Variants in SS18 observed in about 807,000 individuals in gnomAD.
SS18 encodes the protein SS18 subunit of BAF chromatin remodeling complex.
In SS18, 28 loss-of-function variants were observed where a neutral mutation model predicts 72.5. That is an observed-to-expected ratio of 0.39 (90% CI 0.29 to 0.53). The LOEUF (loss-of-function observed/expected upper bound fraction) is 0.53. Among genes scored for constraint, SS18 ranks in the 20% least tolerant of loss-of-function variants. SS18 has a pLI of 0.76. For missense variants in SS18, 518 were observed against 535.3 expected, an observed-to-expected ratio of 0.97 and a Z score of 0.32; for synonymous variants, 172 against 164.2, an observed-to-expected ratio of 1.05 and a Z score of -0.37.
chr18:26,031,519 A>C (rs2053542089), intron 10 of SS18, among the ~76,000 whole-genome samples: 1 of 152,258 alleles, frequency 6.6e-6, no homozygotes, highest in Non-Finnish European at 1.5e-5. Context: ...AAAAGTGCAG[A>C]CAAACCTGAA....
chr18:26,039,307 A>T lies in SS18; in HGVS notation c.757T>A (p.Tyr253Asn). Residue 253 changes from tyrosine (Y) to asparagine (N), a missense_variant, in exon 6 of 11, where the codon TAT becomes AAT. Transcript: ENST00000415083. The part of the protein sequence containing the change: ...HMMGQRQIPP[Y>N]RPPQQGPPQQ... The stretch of plus-strand genomic sequence containing the variant: ...ATCTTACCCTGTTGAGGAGGTCTAT[A>T]GGGAGGAATCTGTCTCTGACCCATC... 1 of 1,612,960 alleles carries T rather than the reference A, an allele frequency of 6.2e-7. No individual in the cohort carries two copies.
intron 2 of SS18, chr18:26,082,449 T>C: frequency 3.1e-6 from 3 of 981,528 alleles, no homozygotes; most frequent in Non-Finnish European, 3.6e-6. Context: ...AAACAACTCT[T>C]TTAAATTACG....
chr18:26,038,643 G>A lies in SS18; in HGVS notation c.792C>T (p.Tyr264=), dbSNP rs2053667171. Residue 264 remains tyrosine, a synonymous_variant, in exon 7 of 11, where the codon TAC becomes TAT. Coordinates refer to ENST00000415083, the MANE Select transcript of SS18 (RefSeq NM_001007559.3). ...CCCCGTAATAGTCTTCCTGGCCTGA[G>A]TACTGCTGTGGTGGGCCTGAAAAAC... The part of the protein sequence containing the change: ...RPPQQGPPQQ[Y]SGQEDYYGDQ... The A allele has an allele frequency of 1.2e-6, 2 of 1,613,206 alleles. No homozygotes were observed. Among genetic ancestry groups the A allele is most frequent in the African/African-American group, 1.3e-5 (1 of 74,874 alleles).
intron 9 of SS18, among the ~76,000 whole-genome samples, chr18:26,034,792 T>C (rs1468271570): frequency 6.6e-6 from 1 of 152,178 alleles, no homozygotes; most frequent in Non-Finnish European, 1.5e-5. Context: ...TTACCTTTGG[T>C]CATGAACCAT....
At chr18:26,087,740 C>A (rs2054641759) in intron 1 of SS18, among the ~76,000 whole-genome samples, 163 bp from the exon 2 acceptor site, 1 of 152,264 alleles carries the variant, frequency 6.6e-6, no homozygotes, top group South Asian at 2.1e-4. Context: ...TCATTACTAT[C>A]ATAAATCATT....
At chr18:26,033,879 G>C (rs2053585538) in intron 9 of SS18, among the ~76,000 whole-genome samples, 1 of 151,966 alleles carries the variant, frequency 6.6e-6, no homozygotes, top group Non-Finnish European at 1.5e-5. Flanking sequence ...GAATTTACCT[G>C]ATTTAGCTGC....
intron 4 of SS18, among the ~76,000 whole-genome samples, chr18:26,054,051 A>G (rs2053968987): frequency 6.6e-6 from 1 of 152,234 alleles, no homozygotes; most frequent in Non-Finnish European, 1.5e-5. Context: ...CAGTATTTCC[A>G]CATAACCTAT....
At chr18:26,023,700 CTGA>C (rs2053393667) in intron 10 of SS18, 1 of 517,756 alleles carries the variant, frequency 1.9e-6, no homozygotes, top group Non-Finnish European at 3.7e-6. Flanking sequence ...CATACAAAAG[CTGA>C]TTATTACCAG....
intron 10 of SS18, 136 bp downstream of exon 10, chr18:26,032,263 T>C (rs1221429413): frequency 1.0e-6 from 1 of 1,003,346 alleles, no homozygotes. Flanking sequence ...ATACACTTTT[T>C]GTTAACAAAT....
At position 26,039,293 on chromosome 18, in the gene SS18, T is replaced by C. The variant is rs372542992; in HGVS notation, c.771A>G (p.Gln257=). ...QRQIPPYRPP[Q]QGPPQQYSGQ... ...ATTTTCCAAATGGAATCTTACCCTG[T>C]TGAGGAGGTCTATAGGGAGGAATCT... The change falls in exon 6 of 11, where the codon CAA becomes CAG. Residue 257 remains glutamine, a synonymous_variant. Coordinates refer to ENST00000415083, the MANE Select transcript of SS18 (RefSeq NM_001007559.3). 3.7e-6 allele frequency: 6 copies of C among 1,606,946 alleles called. No individual in the cohort carries two copies. The highest frequency in any genetic ancestry group is 5.1e-6 in the Non-Finnish European group (6 of 1,175,478).
At chr18:26,045,207 T>G (rs777419331) in intron 5 of SS18, among the ~76,000 whole-genome samples, 7 of 152,234 alleles carry the variant, frequency 4.6e-5, no homozygotes, top group Non-Finnish European at 8.8e-5. Flanking sequence ...AGGCATTTTT[T>G]GAAAACCATA....
intron 3 of SS18, 118 bp downstream of exon 3, chr18:26,077,958 T>C: frequency 1.6e-6 from 1 of 614,778 alleles, no homozygotes; most frequent in Non-Finnish European, 2.7e-6. Flanking sequence ...AATACTTTCA[T>C]GTTCTCAGAG....
At chr18:26,039,569 G>T in intron 5 of SS18, 113 bp from the exon 6 acceptor site, 1 of 906,862 alleles carries the variant, frequency 1.1e-6, no homozygotes, top group Non-Finnish European at 1.5e-6. Flanking sequence ...ATTAAATGCA[G>T]TAAAAACTGA....
intron 3 of SS18, among the ~76,000 whole-genome samples, chr18:26,070,804 G>A (rs917463740): frequency 6.6e-6 from 1 of 152,112 alleles, no homozygotes; most frequent in Non-Finnish European, 1.5e-5. Flanking sequence ...GAAATGAAGT[G>A]AAAAACCCCA....
intron 2 of SS18, among the ~76,000 whole-genome samples, chr18:26,080,894 C>T (rs2054506009): frequency 6.6e-6 from 1 of 151,868 alleles, no homozygotes; most frequent in Non-Finnish European, 1.5e-5. Flanking sequence ...CAAGGCTATT[C>T]CCTCATATAA....
intron 3 of SS18, among the ~76,000 whole-genome samples, chr18:26,066,547 T>C (rs981204465): frequency 9.2e-5 from 14 of 151,938 alleles, no homozygotes; most frequent in African/African-American, 2.4e-4. Context: ...TTCAGTTCCC[T>C]AGCATTTTTG....
At chr18:26,043,212 A>C (rs2053760277) in intron 5 of SS18, among the ~76,000 whole-genome samples, 1 of 152,178 alleles carries the variant, frequency 6.6e-6, no homozygotes, top group African/African-American at 2.4e-5. Context: ...CATAGCTACT[A>C]AATGGTCCAA....
intron 9 of SS18, among the ~76,000 whole-genome samples, chr18:26,033,018 T>A (rs893978300): frequency 6.6e-6 from 1 of 152,230 alleles, no homozygotes; most frequent in Non-Finnish European, 1.5e-5. Flanking sequence ...GTCTATACTA[T>A]GCATTGACAA....
Position 26,035,521 on chromosome 18 carries a change from C to A in SS18, c.973+310G>T. ...CACTATACTTATATGTAAAATTATACATATGTAAACACACACGAGAAAAAA... is the reference window on the plus strand; with the variant it reads ...CACTATACTTATATGTAAAATTATAAATATGTAAACACACACGAGAAAAAA... On this transcript the variant is annotated intron_variant, in intron 8 of 10. Coordinates refer to ENST00000415083, the MANE Select transcript of SS18 (RefSeq NM_001007559.3). This position sits in a 1 kb window ranked among gnomAD's most constrained non-coding sequence, Gnocchi z 4.4. 1 of 288,520 alleles carries A rather than the reference C, an allele frequency of 3.5e-6. No individual in the cohort carries two copies. The highest frequency in any genetic ancestry group is 4.6e-5 in the Admixed American group (1 of 21,528). The allele number at this position is 288,520 out of a possible 1,614,324, so 17.9% of individuals were successfully genotyped here.
Sources: gnomAD v4.1 joint callset for allele counts (sites outside exome capture counted in the v4.1 genomes callset) on GRCh38, gnomAD v4.1.1 for gene constraint, Gnocchi (gnomAD v3.1) non-coding constraint, MANE v1.5 for transcripts, NCBI Gene and HGNC (gene_info 2026-07-23, HGNC 2026-07-21) for gene names.